The following WDTC1 variants were observed in gnomAD, a reference collection of about 807,000 sequenced individuals.
WDTC1 encodes WD and tetratricopeptide repeats protein 1.
WDTC1 carries 12 observed loss-of-function variants against 76.0 expected under a neutral mutation model. The ratio of observed to expected loss-of-function variants is 0.16; its 90% confidence interval spans 0.10 to 0.26. WDTC1 has a LOEUF of 0.26. Ranked by LOEUF, WDTC1 falls within the 10% of genes least tolerant of loss-of-function variation. The pLI is 1.00. For missense variants in WDTC1, 511 were observed against 908.8 expected (o/e 0.56, Z 5.63); for synonymous variants, 326 against 350.8 (o/e 0.93, Z 0.79).
rs1267423730 is a variant in WDTC1, at chr1:27,306,248, G to C, written c.1899G>C (p.Arg633=). Residue 633 remains arginine, a synonymous_variant, in exon 16 of 16, where the codon CGG becomes CGC. Transcript: ENST00000319394. This position sits in a 1 kb window ranked among gnomAD's most constrained non-coding sequence, Gnocchi z 5.0. ...AGGGTGCTTCACAGGCCAACCAGCG[G>C]CGCATGAATGCAGACCCGTTGGAGG... The part of the protein sequence containing the change: ...DMEGASQANQ[R]RMNADPLEVM... The C allele has an allele frequency of 6.2e-7, 1 of 1,614,110 alleles. No homozygotes were observed. Among genetic ancestry groups the C allele is most frequent in the Non-Finnish European group, 8.5e-7 (1 of 1,180,024 alleles).
Position 27,301,432 on chromosome 1 carries a change from C to T in WDTC1, c.1439C>T (p.Thr480Ile). ...TGTGATGCATTGGGCCGCGACATCA[C>T]AGCTGCCCTCTTCTCTAAAAATGAT... ...SACDALGRDI[T>I]AALFSKNDGE... Residue 480 changes from threonine (T) to isoleucine (I), a missense_variant, in exon 13 of 16, where the codon ACA becomes ATA. Physicochemically the swap from Thr to Ile is moderately conservative, Grantham distance 89 (BLOSUM62 -1). Coordinates refer to ENST00000319394, the MANE Select transcript of WDTC1 (RefSeq NM_001276252.2). This position sits in a 1 kb window ranked among gnomAD's most constrained non-coding sequence, Gnocchi z 5.8. 1 of 1,613,772 alleles carries T rather than the reference C, an allele frequency of 6.2e-7. No individual in the cohort carries two copies. Among genetic ancestry groups the T allele is most frequent in the Non-Finnish European group, 8.5e-7 (1 of 1,180,036 alleles).
intron 3 of WDTC1, among the ~76,000 whole-genome samples, chr1:27,269,460 A>G (rs995345140): frequency 2.0e-5 from 3 of 151,660 alleles, no homozygotes; most frequent in Non-Finnish European, 4.4e-5. Context: ...TGGAAGAGGG[A>G]TGAGAAATGA....
chr1:27,270,566 C>T, intron 3 of WDTC1, among the ~76,000 whole-genome samples: 1 of 152,070 alleles, frequency 6.6e-6, no homozygotes. Flanking sequence ...GGTGACACAC[C>T]ACTGTGGTCC....
intron 3 of WDTC1, among the ~76,000 whole-genome samples, chr1:27,276,064 T>C (rs1288121931): frequency 1.3e-5 from 2 of 152,340 alleles, no homozygotes; most frequent in East Asian, 3.9e-4. Flanking sequence ...TACTTCTCTT[T>C]TTTGCGGCCA....
At chr1:27,304,047 G>A in intron 14 of WDTC1, 1 of 437,680 alleles carries the variant, frequency 2.3e-6, no homozygotes, top group South Asian at 2.8e-5. Context: ...CGCAGTGCCT[G>A]AACTACTCCT....
At chr1:27,292,498 G>A (rs2013561383) in intron 7 of WDTC1, 101 bp downstream of exon 7, 3 of 1,170,696 alleles carry the variant, frequency 2.6e-6, no homozygotes, top group Non-Finnish European at 3.5e-6. Flanking sequence ...TTCTATCACA[G>A]CTCACTGCAG....
At chr1:27,238,268 A>G (rs934541335) in intron 1 of WDTC1, among the ~76,000 whole-genome samples, 4 of 104,180 alleles carry the variant, frequency 3.8e-5, no homozygotes, top group African/African-American at 1.5e-4. Flanking sequence ...GGAACATGAT[A>G]CCTCATTCAA....
chr1:27,304,931 C>T, intron 14 of WDTC1, 70 bp from the exon 15 acceptor site: 1 of 1,480,856 alleles, frequency 6.8e-7, no homozygotes, highest in Non-Finnish European at 9.1e-7. Context: ...TTACCTAGGC[C>T]ATGCAGCCTC....
At position 27,269,910 on chromosome 1, in the gene WDTC1, T is replaced by TTTGTTGTTGTTG. The variant is rs151248965; in HGVS notation, c.132+6705_132+6716dup. 2.7e-3 allele frequency among the ~76,000 whole-genome samples: 390 copies of TTTGTTGTTGTTG among 146,718 alleles called. 2 individuals are homozygous for TTTGTTGTTGTTG. Among genetic ancestry groups the TTTGTTGTTGTTG allele is most frequent in the African/African-American group, 8.7e-3 (343 of 39,520 alleles). ...CAGGCATGAGCCACCACGCCCGGCC[T>TTTGTTGTTGTTG]TTGTTGTTGTTGTTGTTGTTGTTGT... On this transcript the variant is annotated intron_variant, in intron 3 of 15. Coordinates refer to ENST00000319394, the MANE Select transcript of WDTC1 (RefSeq NM_001276252.2).
intron 12 of WDTC1, among the ~76,000 whole-genome samples, chr1:27,298,745 A>G (rs1376994197): frequency 6.6e-6 from 1 of 151,934 alleles, no homozygotes; most frequent in East Asian, 1.9e-4. Flanking sequence ...GCAAGCAGAC[A>G]TGCAGACCCC....
intron 1 of WDTC1, among the ~76,000 whole-genome samples, chr1:27,258,933 G>T (rs2147928551): frequency 6.6e-6 from 1 of 152,278 alleles, no homozygotes; most frequent in South Asian, 2.1e-4. Context: ...AGCACAAAGG[G>T]CCATCATTGG....
rs1215943206 is a variant in WDTC1, at chr1:27,301,322, C to T, written c.1329C>T (p.Leu443=). The change falls in exon 13 of 16, where the codon CTC becomes CTT. Residue 443 remains leucine, a synonymous_variant. Coordinates refer to ENST00000319394, the MANE Select transcript of WDTC1 (RefSeq NM_001276252.2). This position sits in a 1 kb window ranked among gnomAD's most constrained non-coding sequence, Gnocchi z 5.8. ...CACACTTTCGCCTGGCCCGCTGCCT[C>T]TTTGAGCTCAAGTATGTGGCTGAAG... ...LKAHFRLARC[L]FELKYVAEAL... is the part of the protein sequence containing the mutation. 3.1e-6 allele frequency: 5 copies of T among 1,614,094 alleles called. No individual in the cohort carries two copies. The highest frequency in any genetic ancestry group is 3.4e-6 in the Non-Finnish European group (4 of 1,180,050).
chr1:27,242,063 T>G (rs188146883), intron 1 of WDTC1, among the ~76,000 whole-genome samples: 27 of 152,172 alleles, frequency 1.8e-4, no homozygotes, highest in African/African-American at 5.5e-4. Context: ...GGCTAATTTT[T>G]GTATTTTTAG....
chr1:27,306,273 G>C lies in WDTC1; in HGVS notation c.1924G>C (p.Val642Leu). Residue 642 changes from valine to leucine, a missense_variant, in exon 16 of 16, where the codon GTG becomes CTG. Coordinates refer to ENST00000319394, the MANE Select transcript of WDTC1 (RefSeq NM_001276252.2). The surrounding 1 kb of genome is among the most constrained non-coding windows in gnomAD (Gnocchi z 5.0). Reference sequence around the variant, plus strand: ...GCGCATGAATGCAGACCCGTTGGAGGTGATGCTGCTCAACATGGGCTACCG... The same window carrying C: ...GCGCATGAATGCAGACCCGTTGGAGCTGATGCTGCTCAACATGGGCTACCG... ...QRRMNADPLE[V>L]MLLNMGYRIT... 1 of 1,614,136 alleles carries C rather than the reference G, an allele frequency of 6.2e-7. No individual in the cohort carries two copies. The highest frequency in any genetic ancestry group is 8.5e-7 in the Non-Finnish European group (1 of 1,180,026).
At chr1:27,234,559 A>C, upstream of WDTC1, 1 of 383,908 alleles carries the variant, frequency 2.6e-6, no homozygotes, top group East Asian at 3.7e-5. Flanking sequence ...GGCCGGGCGC[A>C]GTCTTCGTAG....
At chr1:27,296,521 C>T in intron 10 of WDTC1, 120 bp downstream of exon 10, 2 of 1,022,538 alleles carry the variant, frequency 2.0e-6, no homozygotes, top group Non-Finnish European at 1.5e-6. Flanking sequence ...TAGCAGATCT[C>T]TGAAATAACC....
At chr1:27,270,394 G>A (rs1477860255) in intron 3 of WDTC1, among the ~76,000 whole-genome samples, 1 of 152,042 alleles carries the variant, frequency 6.6e-6, no homozygotes, top group East Asian at 1.9e-4. Context: ...GAAGTCAGTG[G>A]ATTTGAGAGA....
Position 27,269,676 on chromosome 1 carries a change from A to C in WDTC1, c.132+6441A>C, listed in dbSNP as rs188967987. Reference sequence around the variant, plus strand: ...GTCACCCAGGCTGGAGTGCAGTGGCACAATCTTGGCTTACTGCAACCTCCG... The same window carrying C: ...GTCACCCAGGCTGGAGTGCAGTGGCCCAATCTTGGCTTACTGCAACCTCCG... On this transcript the variant is annotated intron_variant, in intron 3 of 15. Transcript: ENST00000319394. 1.9e-4 allele frequency among the ~76,000 whole-genome samples: 23 copies of C among 123,266 alleles called. No individual in the cohort carries two copies. In the East Asian group the frequency reaches 4.8e-3, roughly 26 times the overall value. 80.9% of individuals were successfully genotyped at this position (123,266 alleles called of 152,430 possible). A position where few individuals can be genotyped will look rare whatever the true frequency, so the allele number is the denominator to read the frequency against.
At chr1:27,255,181 TA>T (rs2012235511) in intron 1 of WDTC1, among the ~76,000 whole-genome samples, 2 of 152,300 alleles carry the variant, frequency 1.3e-5, no homozygotes, top group South Asian at 4.1e-4. Context: ...TGCTTGGTGC[TA>T]GGTAAATACC....
Sources: allele counts gnomAD v4.1 joint callset (sites outside exome capture counted in the v4.1 genomes callset), GRCh38; gene constraint gnomAD v4.1.1; non-coding constraint Gnocchi (gnomAD v3.1); transcripts MANE v1.5; gene names NCBI Gene and HGNC (gene_info 2026-07-23, HGNC 2026-07-21).